DNAH3: variants seen among roughly 807,000 people sequenced by gnomAD.
DNAH3 encodes the protein dynein axonemal heavy chain 3.
A neutral mutation model predicts 432.5 loss-of-function variants in DNAH3; 332 were observed. The observed-to-expected ratio is 0.77, with a 90% CI of 0.70 to 0.84. DNAH3 has a LOEUF of 0.84. Ranked by LOEUF, DNAH3 falls within the 40% of genes least tolerant of loss-of-function variation. The pLI, the probability that DNAH3 is intolerant of heterozygous loss-of-function variation, is 0.00. For synonymous variants in DNAH3, 1,956 were observed against 1,900.2 expected, an observed-to-expected ratio of 1.03 and a Z score of -0.76; for missense variants, 4,861 against 5,114.0, an observed-to-expected ratio of 0.95 and a Z score of 1.51.
At chr16:21,097,538 G>C in intron 17 of DNAH3, 39 bp from the exon 18 acceptor site, 1 of 1,607,668 alleles carries the variant, frequency 6.2e-7, no homozygotes, top group Non-Finnish European at 8.5e-7. Flanking sequence ...GGGATGGGTT[G>C]TTCTCCTAAG....
At position 21,121,824 on chromosome 16, in the gene DNAH3, C is replaced by T. The variant is rs1013834647; in HGVS notation, c.1584+121G>A. 4.1e-6 allele frequency: 3 copies of T among 739,044 alleles called. No individual in the cohort carries two copies. The Admixed American group carries it at 9.0e-5, about 22-fold the overall frequency. The allele number at this position is 739,044 out of a possible 1,614,324, so 45.8% of individuals were successfully genotyped here. A position where few individuals can be genotyped will look rare whatever the true frequency, so the allele number is the denominator to read the frequency against. On this transcript the variant is annotated intron_variant, in intron 10 of 61. Coordinates refer to ENST00000261383, the Ensembl canonical transcript of DNAH3. ...TCAAGGGGTTATATTCAGGATATAT[C>T]TCCAAAGTGAAGCTCCCTTAACTGA...
At chr16:21,104,841 T>G (rs949872614) in intron 15 of DNAH3, among the ~76,000 whole-genome samples, 2 of 152,210 alleles carry the variant, frequency 1.3e-5, no homozygotes, top group Non-Finnish European at 2.9e-5. Context: ...AAGGTTACAC[T>G]GCTAGAAGGC....
chr16:20,946,455 G>A (rs893740765), intron 57 of DNAH3, among the ~76,000 whole-genome samples: 21 of 152,136 alleles, frequency 1.4e-4, no homozygotes, highest in African/African-American at 4.3e-4. Context: ...ACCACCTGGG[G>A]CACATGCTCT....
chr16:21,003,638 GGTGGCAC>G (rs1197207116), intron 41 of DNAH3, among the ~76,000 whole-genome samples: 1 of 152,040 alleles, frequency 6.6e-6, no homozygotes, highest in African/African-American at 2.4e-5. Context: ...TGCTGGGCAT[GGTGGCAC>G]GTGCCTGTAG....
At chr16:21,060,298 T>G in exon 26 of DNAH3, 1 of 1,614,042 alleles carries the variant, frequency 6.2e-7, no homozygotes, top group Non-Finnish European at 8.5e-7. Context: ...TCCAATGACT[T>G]CTCGCATACT....
At chr16:21,089,081 A>T (rs2091460617) in intron 18 of DNAH3, among the ~76,000 whole-genome samples, 1 of 152,240 alleles carries the variant, frequency 6.6e-6, no homozygotes, top group Non-Finnish European at 1.5e-5. Context: ...TTTAGCAGGC[A>T]TCAGAACTGC....
chr16:21,116,791 G>A (rs1037974170), intron 12 of DNAH3, among the ~76,000 whole-genome samples: 3 of 152,136 alleles, frequency 2.0e-5, no homozygotes, highest in Non-Finnish European at 4.4e-5. Flanking sequence ...CAGATATGAG[G>A]CTATTATGTG....
Position 20,999,082 on chromosome 16 carries a change from C to T in DNAH3, c.6421+1142G>A, listed in dbSNP as rs375727056. ...CCACCTGGGTAACAAAGCAAGACCCCCGTCTCTACAAAGAATGGAAAAATT... is the reference window on the plus strand; with the variant it reads ...CCACCTGGGTAACAAAGCAAGACCCTCGTCTCTACAAAGAATGGAAAAATT... On this transcript the variant is annotated intron_variant, in intron 43 of 61. Transcript: ENST00000261383. Among the ~76,000 whole-genome samples, 118 of 152,202 alleles carry T rather than the reference C, an allele frequency of 7.8e-4. No homozygotes were observed. In the South Asian group the frequency reaches 0.024, roughly 30 times the overall value.
chr16:20,996,282 G>T (rs113755124), intron 44 of DNAH3, among the ~76,000 whole-genome samples: 1 of 152,160 alleles, frequency 6.6e-6, no homozygotes, highest in African/African-American at 2.4e-5. Flanking sequence ...CACACATACT[G>T]ATACGTGTAG....
chr16:21,067,478 C>T (rs2090596297), intron 23 of DNAH3, 59 bp from the exon 24 acceptor site: 7 of 1,590,838 alleles, frequency 4.4e-6, no homozygotes, highest in Non-Finnish European at 6.0e-6. Flanking sequence ...TGAGATTGGT[C>T]ATTGTATTGA....
Position 20,985,550 on chromosome 16 carries a change from T to C in DNAH3, c.7192A>G (p.Asn2398Asp), listed in dbSNP as rs1258205833. 6 of 1,614,126 alleles carry C rather than the reference T, an allele frequency of 3.7e-6. No individual in the cohort carries two copies. The highest frequency in any genetic ancestry group is 3.3e-4 in the Middle Eastern group (2 of 6,062). Residue 2398 changes from asparagine (N) to aspartate (D), a missense_variant, in exon 48 of 62, where the codon AAC (asparagine) becomes GAC (aspartate). Physicochemically the swap from Asn to Asp is conservative, Grantham distance 23. Coordinates refer to ENST00000261383, the Ensembl canonical transcript of DNAH3. ...AGGGACATGGGGGCCTTGCTGATGT[T>C]GTTGAATTCTTCCAGATAGTGCTCC...
In DNAH3 at chr16:20,953,279, C is replaced by T. The variant is rs190638108; in HGVS notation, c.11072-730G>A. On this transcript the variant is annotated intron_variant, in intron 55 of 61. Transcript: ENST00000261383. ...GTTCAAGAGATTCTCCTGTCTCAGC[C>T]TCCTGAGTGGCTGGGATTACAGGCA... Among the ~76,000 whole-genome samples, 785 of 152,006 alleles carry T rather than the reference C, an allele frequency of 5.2e-3. 7 individuals are homozygous for T. Among genetic ancestry groups the T allele is most frequent in the African/African-American group, 0.018 (737 of 41,502 alleles).
chr16:21,033,944 C>A (rs1427454759), intron 36 of DNAH3, 30 bp downstream of exon 36: 3 of 1,519,630 alleles, frequency 2.0e-6, no homozygotes, highest in Non-Finnish European at 2.7e-6. Context: ...GAGTTCTGTC[C>A]TCCCTGGAAG....
chr16:20,987,651 G>T, intron 46 of DNAH3, 42 bp downstream of exon 46: 1 of 1,606,394 alleles, frequency 6.2e-7, no homozygotes. Flanking sequence ...TGTAGCCAAG[G>T]ATATGCTGAA....
chr16:20,936,235 C>A (rs2083585063), intron 60 of DNAH3, among the ~76,000 whole-genome samples: 1 of 151,990 alleles, frequency 6.6e-6, no homozygotes, highest in South Asian at 2.1e-4. Flanking sequence ...TCACTGCAAC[C>A]TCTGCCTCCC....
intron 26 of DNAH3, among the ~76,000 whole-genome samples, chr16:21,059,065 T>C (rs1168502890): frequency 6.6e-6 from 1 of 152,244 alleles, no homozygotes; most frequent in Non-Finnish European, 1.5e-5. Flanking sequence ...ATTTAAATAT[T>C]GTCTGATGCT....
intron 16 of DNAH3, among the ~76,000 whole-genome samples, chr16:21,100,780 G>A (rs953637067): frequency 6.6e-6 from 1 of 152,156 alleles, no homozygotes; most frequent in Non-Finnish European, 1.5e-5. Context: ...CATGCAATTA[G>A]GTGCTGCTAA....
intron 54 of DNAH3, among the ~76,000 whole-genome samples, chr16:20,957,947 G>C (rs1053502636): frequency 1.3e-5 from 2 of 150,538 alleles, no homozygotes; most frequent in East Asian, 3.9e-4. Context: ...GCTTTGTTGG[G>C]CTTTAAAATT....
intron 39 of DNAH3, 38 bp from the exon 40 acceptor site, chr16:21,022,138 T>A (rs2088267911): frequency 6.2e-7 from 1 of 1,611,282 alleles, no homozygotes; most frequent in East Asian, 2.2e-5. Flanking sequence ...GGAGACATGA[T>A]CAACAAGTGA....
Sources: allele counts gnomAD v4.1 joint callset (sites outside exome capture counted in the v4.1 genomes callset), GRCh38; gene constraint gnomAD v4.1.1; transcripts MANE v1.5; gene names NCBI Gene and HGNC (gene_info 2026-07-23, HGNC 2026-07-21).